The following PHC3 variants were observed in gnomAD, a reference collection of about 807,000 sequenced individuals.
PHC3 encodes the protein polyhomeotic homolog 3.
PHC3 carries 13 observed loss-of-function variants against 107.4 expected under a neutral mutation model. The observed-to-expected ratio is 0.12, with a 90% CI of 0.08 to 0.19. The LOEUF (loss-of-function observed/expected upper bound fraction) is 0.19, where lower values mean the gene tolerates loss of function less well. Among genes scored for constraint, PHC3 ranks in the 10% least tolerant of loss-of-function variants. PHC3 has a pLI of 1.00. For synonymous variants in PHC3, 456 were observed against 427.4 expected (o/e 1.07, Z -0.83); for missense variants, 992 against 1,210.9 (o/e 0.82, Z 2.68).
At position 170,129,141 on chromosome 3, in the gene PHC3, G is replaced by C; in HGVS notation, c.1331C>G (p.Pro444Arg). The change falls in exon 8 of 15, where the codon CCA (proline) becomes CGA (arginine). Residue 444 changes from proline (P) to arginine (R), a missense_variant. This residue lies in a region of PHC3 where 543 missense variants were observed against 590.8 expected (regional missense o/e 0.92). Coordinates refer to ENST00000495893, the MANE Select transcript of PHC3 (RefSeq NM_024947.4). The part of the protein sequence containing the change: ...PHPLVSSALQ[P>R]GPNLQQSTAN... ...AGTGGACTGCTGCAAATTTGGCCCT[G>C]GCTGGAGAGCTGATGACACAAGAGG... The C allele has an allele frequency of 6.2e-7, 1 of 1,613,844 alleles. No individual in the cohort carries two copies. The highest frequency in any genetic ancestry group is 8.5e-7 in the Non-Finnish European group (1 of 1,179,814).
chr3:170,133,323 A>C (rs148671080), intron 7 of PHC3, among the ~76,000 whole-genome samples: 1,850 of 151,726 alleles, frequency 0.012, 39 homozygotes, highest in African/African-American at 0.042. Flanking sequence ...GAATTACAAG[A>C]GCGCGCCACC....
rs79849448 is a variant in PHC3 at position 170,126,053 on chromosome 3, T to A, written c.1788+2631A>T. The A allele has an allele frequency of 3.4e-3, 2,382 of 699,044 alleles. 48 individuals are homozygous for A. In the African/African-American group the frequency reaches 0.043, roughly 13 times the overall value. 43.3% of individuals were successfully genotyped at this position (699,044 alleles called of 1,614,324 possible). ...AGTTCTAAATTATCTACCCTCAACA[T>A]ACTTATATCCAAATGTCAACAAAAA... is the stretch of plus-strand genomic sequence containing the variant. On this transcript the variant is annotated intron_variant, in intron 8 of 14. Transcript: ENST00000495893.
At chr3:170,157,127 A>G (rs982216156) in intron 4 of PHC3, among the ~76,000 whole-genome samples, 7 of 152,238 alleles carry the variant, frequency 4.6e-5, no homozygotes, top group Non-Finnish European at 7.3e-5. Context: ...CGATGGTTAT[A>G]TAAAATAAAA....
intron 6 of PHC3, among the ~76,000 whole-genome samples, chr3:170,139,817 T>C (rs1723741645): frequency 6.6e-6 from 1 of 152,178 alleles, no homozygotes; most frequent in Non-Finnish European, 1.5e-5. Context: ...ATATACGGAT[T>C]TCCTTGACAG....
At position 170,089,072 on chromosome 3, in the gene PHC3, TGGGA is replaced by T. The variant is rs1422709460; in HGVS notation, c.*8154_*8157del. On this transcript the variant is annotated 3_prime_UTR_variant, in exon 15 of 15. Transcript: ENST00000495893. ...ATCCCAGCTACTTGGGAGGCCAAGGTGGGAGAATCTATTGAACCTGGGAGGTGGA... is the reference window on the plus strand; with the variant it reads ...ATCCCAGCTACTTGGGAGGCCAAGGTGAATCTATTGAACCTGGGAGGTGGA... 6.6e-6 allele frequency: 1 copy of T among 152,100 alleles called. No individual in the cohort carries two copies. The highest frequency in any genetic ancestry group is 2.4e-5 in the African/African-American group (1 of 41,370). 9.4% of individuals were successfully genotyped at this position (152,100 alleles called of 1,614,324 possible). A position where few individuals can be genotyped will look rare whatever the true frequency, so the allele number is the denominator to read the frequency against.
At chr3:170,157,171 T>G (rs1198845926) in intron 4 of PHC3, among the ~76,000 whole-genome samples, 1 of 152,186 alleles carries the variant, frequency 6.6e-6, no homozygotes, top group Non-Finnish European at 1.5e-5. Flanking sequence ...CACAGCAGCT[T>G]AAGTGAGATT....
rs1324537622 is a variant in PHC3 at position 170,117,449 on chromosome 3, G to A, written c.1970C>T (p.Ser657Leu). 14 of 1,612,932 alleles carry A rather than the reference G, an allele frequency of 8.7e-6. No homozygotes were observed. The highest frequency in any genetic ancestry group is 8.5e-7 in the Non-Finnish European group (1 of 1,179,414). The stretch of plus-strand genomic sequence containing the variant: ...AGATTTAATTACTGAAGCACTGACT[G>A]ATGCCACAGCAGGTAATTCCACTTG... Reference protein sequence around the residue: ...LEQVELPAVASVSASVIKSPS... With the variant: ...LEQVELPAVALVSASVIKSPS... The change falls in exon 10 of 15, where the codon TCA becomes TTA. Residue 657 changes from serine to leucine, a missense_variant. Coordinates refer to ENST00000495893, the MANE Select transcript of PHC3 (RefSeq NM_024947.4).
rs1714007139 is a variant in PHC3 at position 170,090,709 on chromosome 3, A to G, written c.*6521T>C. 6.6e-6 allele frequency: 1 copy of G among 152,158 alleles called. No individual in the cohort carries two copies. 9.4% of individuals were successfully genotyped at this position (152,158 alleles called of 1,614,324 possible). ...GGGAGGTACCTTAAAGATGAATTAA[A>G]CCAAAATCAACTTTTGAGTAGTACA... On this transcript the variant is annotated 3_prime_UTR_variant, in exon 15 of 15. Coordinates refer to ENST00000495893, the MANE Select transcript of PHC3 (RefSeq NM_024947.4).
intron 7 of PHC3, among the ~76,000 whole-genome samples, chr3:170,135,025 G>T (rs1248093541): frequency 6.6e-6 from 1 of 152,120 alleles, no homozygotes; most frequent in East Asian, 1.9e-4. Context: ...GGTTTAAGTG[G>T]AATATTTTAC....
At chr3:170,126,677 GA>G (rs1188173219) in intron 8 of PHC3, among the ~76,000 whole-genome samples, 1 of 151,560 alleles carries the variant, frequency 6.6e-6, no homozygotes, top group Non-Finnish European at 1.5e-5. Flanking sequence ...AAGTAGCTGG[GA>G]TTACAGGCAT....
chr3:170,113,704 T>C (rs1488918943), intron 10 of PHC3, among the ~76,000 whole-genome samples, 185 bp from the exon 11 acceptor site: 2 of 152,236 alleles, frequency 1.3e-5, no homozygotes, highest in African/African-American at 4.8e-5. Flanking sequence ...GAATGGTTTA[T>C]TTCTGGTCAC....
At chr3:170,122,919 T>C (rs1227236629) in intron 8 of PHC3, among the ~76,000 whole-genome samples, 175 bp from the exon 9 acceptor site, 2 of 152,220 alleles carry the variant, frequency 1.3e-5, no homozygotes, top group Non-Finnish European at 2.9e-5. Context: ...TTTTTCATAT[T>C]TCTTCATAAT....
rs1018445521 is a variant in PHC3 at position 170,114,714 on chromosome 3, T to C, written c.2194-1195A>G. 2.0e-5 allele frequency among the ~76,000 whole-genome samples: 3 copies of C among 152,348 alleles called. No homozygotes were observed. In the East Asian group the frequency reaches 5.8e-4, roughly 29 times the overall value. On this transcript the variant is annotated intron_variant, in intron 10 of 14. Coordinates refer to ENST00000495893, the MANE Select transcript of PHC3 (RefSeq NM_024947.4). ...AAACAACTCAGATCAAATATATTCA[T>C]TGATTCACTGGTGAGCCCTCAGCTA...
At chr3:170,098,758 TAAC>T (rs1417864149) in intron 14 of PHC3, among the ~76,000 whole-genome samples, 1 of 152,252 alleles carries the variant, frequency 6.6e-6, no homozygotes, top group Non-Finnish European at 1.5e-5. Context: ...GTTTCCTATA[TAAC>T]AACTAGCTTT....
At chr3:170,152,156 GTTTGTTTTTGTTTTGT>G (rs1279058414) in intron 4 of PHC3, among the ~76,000 whole-genome samples, 4 of 151,442 alleles carry the variant, frequency 2.6e-5, no homozygotes, top group South Asian at 4.2e-4. Flanking sequence ...CTGTAATTTT[GTTTGTTTTTGTTTTGT>G]TTTGTTTTGT....
At chr3:170,108,460 ATG>A (rs1451551494) in intron 11 of PHC3, among the ~76,000 whole-genome samples, 2 of 152,210 alleles carry the variant, frequency 1.3e-5, no homozygotes, top group Non-Finnish European at 2.9e-5. Context: ...ATCCTGAATA[ATG>A]AAATCATGAA....
intron 7 of PHC3, among the ~76,000 whole-genome samples, chr3:170,135,930 T>C (rs1560076125): frequency 6.6e-6 from 1 of 152,100 alleles, no homozygotes; most frequent in Non-Finnish European, 1.5e-5. Context: ...ACTCAGGTGA[T>C]TGCCTGAGAT....
At chr3:170,142,850 G>A (rs1161545708) in intron 6 of PHC3, among the ~76,000 whole-genome samples, 2 of 151,938 alleles carry the variant, frequency 1.3e-5, no homozygotes, top group Non-Finnish European at 2.9e-5. Context: ...GCTCTATTAG[G>A]TTTCATAAAA....
chr3:170,099,306 A>G (rs1715080895), intron 14 of PHC3, among the ~76,000 whole-genome samples: 1 of 152,216 alleles, frequency 6.6e-6, no homozygotes, highest in Non-Finnish European at 1.5e-5. Flanking sequence ...ACGATCAAAT[A>G]GGAATGCATT....
Sources: allele counts gnomAD v4.1 joint callset (sites outside exome capture counted in the v4.1 genomes callset), GRCh38; gene constraint gnomAD v4.1.1; regional missense constraint gnomAD v4.1.1; transcripts MANE v1.5; gene names NCBI Gene and HGNC (gene_info 2026-07-23, HGNC 2026-07-21).